Variants in RBM28 observed in about 807,000 individuals in gnomAD.
RBM28 encodes RNA-binding protein 28.
In RBM28, 78 loss-of-function variants were observed where a neutral mutation model predicts 98.3. That is an observed-to-expected ratio of 0.79 (90% CI 0.66 to 0.96). RBM28 has a LOEUF of 0.96. Ranked by LOEUF, RBM28 falls within the 40% of genes least tolerant of loss-of-function variation. The pLI, the probability that RBM28 is intolerant of heterozygous loss-of-function variation, is 0.00. For synonymous variants in RBM28, 306 were observed against 330.9 expected (o/e 0.92, Z 0.82); for missense variants, 838 against 913.0 (o/e 0.92, Z 1.06).
chr7:128,324,553 A>G lies in RBM28; in HGVS notation c.1339+6T>C. ...TTAGAAGTGTGGGTTACATCTCCCT[A>G]CTCACAGCCTTCTCGGGCCAGATAG... On this transcript the variant is annotated splice_donor_region_variant and intron_variant, in intron 12 of 18. Coordinates refer to ENST00000223073, the MANE Select transcript of RBM28 (RefSeq NM_018077.3). The G allele has an allele frequency of 2.5e-6, 4 of 1,614,104 alleles. No homozygotes were observed. Among genetic ancestry groups the G allele is most frequent in the Non-Finnish European group, 3.4e-6 (4 of 1,180,008 alleles).
intron 6 of RBM28, among the ~76,000 whole-genome samples, chr7:128,336,630 A>C (rs917834097): frequency 6.6e-6 from 1 of 152,234 alleles, no homozygotes; most frequent in African/African-American, 2.4e-5. Context: ...AAATGGTACA[A>C]TATGAATTGA....
chr7:128,332,307 T>C (rs2116372254), intron 9 of RBM28, among the ~76,000 whole-genome samples: 1 of 152,308 alleles, frequency 6.6e-6, no homozygotes, highest in East Asian at 1.9e-4. Context: ...TTTTTGCTCA[T>C]GTATTTCATC....
At chr7:128,325,966 C>A in intron 10 of RBM28, 75 bp from the exon 11 acceptor site, 2 of 1,147,938 alleles carry the variant, frequency 1.7e-6, no homozygotes. Context: ...CAAATGGCAA[C>A]AGCCTGACAC....
Position 128,339,252 on chromosome 7 carries a change from A to C in RBM28, c.347T>G (p.Leu116Ter), listed in dbSNP as rs755507328. 8.7e-6 allele frequency: 14 copies of C among 1,613,136 alleles called. No individual in the cohort carries two copies. The highest frequency in any genetic ancestry group is 1.1e-5 in the Non-Finnish European group (13 of 1,179,064). The change falls in exon 3 of 19, where the codon TTA becomes TGA. Residue 116 changes from leucine (L) to a stop codon, truncating the protein, a stop_gained. Coordinates refer to ENST00000223073, the MANE Select transcript of RBM28 (RefSeq NM_018077.3). LOFTEE classifies it high-confidence loss of function. ...CTTAAAGCTCAGGTTCCGAATAATT[A>C]ATCTGGCTTTCTTATCTGCCACTTT... Reference protein sequence around the residue: ...KAKVADKKARLIIRNLSFKCS... With the variant: ...KAKVADKKAR
At position 128,298,664 on chromosome 7, in the gene RBM28, T is replaced by C. The variant is rs1286546415; in HGVS notation, c.*12133A>G. 6.6e-6 allele frequency: 1 copy of C among 152,168 alleles called. No homozygotes were observed. The highest frequency in any genetic ancestry group is 1.9e-4 in the East Asian group (1 of 5,198). The allele number at this position is 152,168 out of a possible 1,614,324, so 9.4% of individuals were successfully genotyped here. On this transcript the variant is annotated 3_prime_UTR_variant, in exon 19 of 19. Coordinates refer to ENST00000223073, the MANE Select transcript of RBM28 (RefSeq NM_018077.3). ...TCAGAGCCAAGCAAAGGATCACTCA[T>C]TTTCCCCTTAACTGAGAACAAGGGC...
Position 128,318,040 on chromosome 7 carries a change from AGGCGTAGCCCAGG to A in RBM28, c.1617_1629del (p.Gly541ArgfsTer10). 6.2e-7 allele frequency: 1 copy of A among 1,614,182 alleles called. No individual in the cohort carries two copies. Among genetic ancestry groups the A allele is most frequent in the Non-Finnish European group, 8.5e-7 (1 of 1,179,970 alleles). On this transcript the variant is annotated frameshift_variant, in exon 15 of 19. Coordinates refer to ENST00000223073, the MANE Select transcript of RBM28 (RefSeq NM_018077.3). LOFTEE classifies it high-confidence loss of function. ...TGCTCGTGCTCTTGGAACTCCGCAA[AGGCGTAGCCCAGG>A]GACTGACCCTTCATGTTCCCATGAA...
At chr7:128,313,001 T>G (rs1415925085) in intron 18 of RBM28, 174 bp downstream of exon 18, 2 of 668,074 alleles carry the variant, frequency 3.0e-6, no homozygotes, top group South Asian at 1.8e-5. Flanking sequence ...GGAGGTTCAT[T>G]TTACTTTTTT....
In RBM28 at chr7:128,308,709, C is replaced by T. The variant is rs1381124296; in HGVS notation, c.*2088G>A. The T allele has an allele frequency of 6.6e-6, 1 of 152,130 alleles. No individual in the cohort carries two copies. Among genetic ancestry groups the T allele is most frequent in the African/African-American group, 2.4e-5 (1 of 41,410 alleles). The allele number at this position is 152,130 out of a possible 1,614,324, so 9.4% of individuals were successfully genotyped here. On this transcript the variant is annotated 3_prime_UTR_variant, in exon 19 of 19. Transcript: ENST00000223073. ...TGCGATGAAATAACCATGTCTCAAC[C>T]AGGCTCATGCCTGTAATCCCAGCAC... is the stretch of plus-strand genomic sequence containing the variant.
chr7:128,329,272 T>C (rs1016702854), intron 10 of RBM28, among the ~76,000 whole-genome samples: 3 of 152,110 alleles, frequency 2.0e-5, no homozygotes, highest in African/African-American at 7.2e-5. Flanking sequence ...GCTAATTTTG[T>C]ATTTTTAGTA....
intron 17 of RBM28, 53 bp from the exon 18 acceptor site, chr7:128,313,327 C>G: frequency 6.5e-7 from 1 of 1,534,972 alleles, no homozygotes; most frequent in Non-Finnish European, 9.0e-7. Context: ...ATTTGACACC[C>G]CTAGGTTCTC....
At chr7:128,341,858 T>A (rs1796732633) in intron 1 of RBM28, among the ~76,000 whole-genome samples, 2 of 152,226 alleles carry the variant, frequency 1.3e-5, no homozygotes, top group African/African-American at 4.8e-5. Flanking sequence ...ATGGACGTAC[T>A]CCTATACTAT....
rs1005821040 is a variant in RBM28 at position 128,309,176 on chromosome 7, C to A, written c.*1621G>T. 2.6e-5 allele frequency: 4 copies of A among 152,108 alleles called. No individual in the cohort carries two copies. Among genetic ancestry groups the A allele is most frequent in the African/African-American group, 9.7e-5 (4 of 41,400 alleles). 9.4% of individuals were successfully genotyped at this position (152,108 alleles called of 1,614,324 possible). On this transcript the variant is annotated 3_prime_UTR_variant, in exon 19 of 19. Transcript: ENST00000223073. ...ACAAATATTTATTCAATACTTACTA[C>A]GTGCCTGGGTCAGTACTAGGTGCTG... is the stretch of plus-strand genomic sequence containing the variant.
In RBM28 at chr7:128,343,750, G is replaced by A; in HGVS notation, c.44C>T (p.Ala15Val). The A allele has an allele frequency of 1.2e-6, 2 of 1,610,448 alleles. No homozygotes were observed. The highest frequency in any genetic ancestry group is 2.2e-5 in the East Asian group (1 of 44,456). ...CAGTTCCTCCAGCTGCTCACTGCGG[G>A]CCGAGGGCGGGAGGCGGCCCACAAA... ...TLFVGRLPPS[A>V]RSEQLEELFS... Residue 15 changes from alanine to valine, a missense_variant, in exon 1 of 19, where the codon GCC (alanine) becomes GTC (valine). Ala to Val is a moderately conservative substitution (Grantham distance 64). Transcript: ENST00000223073.
chr7:128,329,006 G>A (rs998042127), intron 10 of RBM28, among the ~76,000 whole-genome samples: 1 of 151,174 alleles, frequency 6.6e-6, no homozygotes, highest in Non-Finnish European at 1.5e-5. Context: ...AGTCTCGAGT[G>A]CAGTGGCAAT....
chr7:128,315,045 C>T (rs1460915050), intron 16 of RBM28, 25 bp from the exon 17 acceptor site: 1 of 1,614,056 alleles, frequency 6.2e-7, no homozygotes, highest in Non-Finnish European at 8.5e-7. Flanking sequence ...AAAATGCCAT[C>T]TGGTTTCTGG....
chr7:128,325,107 G>C (rs913762399), intron 11 of RBM28, among the ~76,000 whole-genome samples: 4 of 152,144 alleles, frequency 2.6e-5, no homozygotes, highest in Middle Eastern at 3.2e-3. Context: ...CACAGAAAGG[G>C]ATACAGCAAA....
intron 14 of RBM28, among the ~76,000 whole-genome samples, 163 bp from the exon 15 acceptor site, chr7:128,318,269 G>A (rs1271501243): frequency 6.6e-6 from 1 of 152,150 alleles, no homozygotes; most frequent in East Asian, 1.9e-4. Flanking sequence ...AGGATTGCTT[G>A]AGGCCAGGAG....
At chr7:128,340,568 A>T (rs1348542781) in intron 1 of RBM28, among the ~76,000 whole-genome samples, 1 of 152,192 alleles carries the variant, frequency 6.6e-6, no homozygotes, top group African/African-American at 2.4e-5. Context: ...TTCTCTTATA[A>T]GCAACAGAAA....
rs1308241673 is a variant in RBM28, at chr7:128,310,668, C to T, written c.*129G>A. 9 of 1,253,346 alleles carry T rather than the reference C, an allele frequency of 7.2e-6. No homozygotes were observed. Among genetic ancestry groups the T allele is most frequent in the Non-Finnish European group, 1.0e-5 (9 of 864,964 alleles). The allele number at this position is 1,253,346 out of a possible 1,614,324, so 77.6% of individuals were successfully genotyped here. A position where few individuals can be genotyped will look rare whatever the true frequency, so the allele number is the denominator to read the frequency against. On this transcript the variant is annotated 3_prime_UTR_variant, in exon 19 of 19. Coordinates refer to ENST00000223073, the MANE Select transcript of RBM28 (RefSeq NM_018077.3). Reference sequence around the variant, plus strand: ...TTCAGATGTACACAGTCCAGGGCACCTCCGAGCACAGTGGCAGTGCCCTTG... The same window carrying T: ...TTCAGATGTACACAGTCCAGGGCACTTCCGAGCACAGTGGCAGTGCCCTTG...
Sources: gnomAD v4.1 joint callset for allele counts (sites outside exome capture counted in the v4.1 genomes callset) on GRCh38, gnomAD v4.1.1 for gene constraint, MANE v1.5 for transcripts, NCBI Gene and HGNC (gene_info 2026-07-23, HGNC 2026-07-21) for gene names.